The following DPYD variants were observed in gnomAD, a reference collection of about 807,000 sequenced individuals.
DPYD encodes the protein dihydropyrimidine dehydrogenase [NADP(+)].
In DPYD, 109 loss-of-function variants were observed where a neutral mutation model predicts 116.2. That is an observed-to-expected ratio of 0.94 (90% CI 0.80 to 1.10). DPYD has a LOEUF of 1.10. DPYD is among the 50% of genes least tolerant of loss of function. The pLI, the probability that DPYD is intolerant of heterozygous loss-of-function variation, is 0.00. For synonymous variants in DPYD, 440 were observed against 432.0 expected, an observed-to-expected ratio of 1.02 and a Z score of -0.23; for missense variants, 1,302 against 1,254.5, an observed-to-expected ratio of 1.04 and a Z score of -0.57.
intron 1 of DPYD, among the ~76,000 whole-genome samples, chr1:97,898,056 C>A (rs2101676935): frequency 6.6e-6 from 1 of 151,830 alleles, no homozygotes; most frequent in East Asian, 1.9e-4. Flanking sequence ...GGGAATCAAG[C>A]AGCATTTGCT....
At chr1:97,903,285 A>C (rs1382237371) in intron 1 of DPYD, among the ~76,000 whole-genome samples, 8 of 151,930 alleles carry the variant, frequency 5.3e-5, no homozygotes, top group Admixed American at 5.3e-4. Context: ...TTTGCTTTAA[A>C]ATTTGTTTTA....
At chr1:97,388,093 G>T (rs1440048302) in intron 14 of DPYD, among the ~76,000 whole-genome samples, 2 of 152,096 alleles carry the variant, frequency 1.3e-5, no homozygotes, top group African/African-American at 4.8e-5. Flanking sequence ...TAGTTCTGAG[G>T]TTCTAGTTGG....
chr1:97,156,176 AT>A (rs1039814811), intron 20 of DPYD, among the ~76,000 whole-genome samples: 37 of 152,164 alleles, frequency 2.4e-4, no homozygotes, highest in African/African-American at 7.2e-4. Context: ...AAATGAATAA[AT>A]TTTTTTTACC....
At chr1:97,090,258 T>C (rs1197465461) in intron 21 of DPYD, among the ~76,000 whole-genome samples, 1 of 152,166 alleles carries the variant, frequency 6.6e-6, no homozygotes, top group Non-Finnish European at 1.5e-5. Context: ...TTCTTTCTTA[T>C]TTCTATGTTT....
At chr1:97,171,462 C>G (rs534573152) in intron 20 of DPYD, among the ~76,000 whole-genome samples, 3 of 152,252 alleles carry the variant, frequency 2.0e-5, no homozygotes, top group East Asian at 3.9e-4. Context: ...CAATGATTCT[C>G]TCTGGACAGG....
intron 16 of DPYD, among the ~76,000 whole-genome samples, chr1:97,350,905 T>C (rs1436309649): frequency 6.6e-6 from 1 of 152,120 alleles, no homozygotes; most frequent in Non-Finnish European, 1.5e-5. Flanking sequence ...AGGCTGAGTC[T>C]TTTAGTAATG....
intron 12 of DPYD, among the ~76,000 whole-genome samples, chr1:97,537,957 C>G (rs1266876696): frequency 6.6e-6 from 1 of 151,944 alleles, no homozygotes; most frequent in South Asian, 2.1e-4. Context: ...ATCCCAGCTA[C>G]TTGGGAGGCT....
chr1:97,473,098 C>A (rs985416742), intron 13 of DPYD, among the ~76,000 whole-genome samples: 2 of 152,080 alleles, frequency 1.3e-5, no homozygotes, highest in Admixed American at 6.6e-5. Context: ...AAGTGTGTAC[C>A]CTTTAATCAA....
At chr1:97,514,049 C>A (rs548188018) in intron 13 of DPYD, among the ~76,000 whole-genome samples, 11 of 151,996 alleles carry the variant, frequency 7.2e-5, no homozygotes, top group Middle Eastern at 6.8e-3. Flanking sequence ...AAAAACCCCG[C>A]ATGGTTACAT....
chr1:97,229,587 T>C (rs1798724), intron 19 of DPYD, among the ~76,000 whole-genome samples: 2 of 64,670 alleles, frequency 3.1e-5, no homozygotes, highest in Admixed American at 3.4e-4. Context: ...TATATATATA[T>C]ATACTGATTT....
In DPYD at chr1:97,675,987, T is replaced by C. The variant is rs144576258; in HGVS notation, c.850+3108A>G. Among the ~76,000 whole-genome samples, 1,375 of 152,126 alleles carry C rather than the reference T, an allele frequency of 9.0e-3. 18 individuals are homozygous for C. The highest frequency in any genetic ancestry group is 0.031 in the African/African-American group (1,297 of 41,490). On this transcript the variant is annotated intron_variant, in intron 8 of 22. Transcript: ENST00000370192. ...TGGTCTCGATCTCTTGACCTCATGA[T>C]CCACCCGCCTCGGCCTCCCAAAGTG...
At chr1:97,286,686 A>G (rs1665707542) in intron 18 of DPYD, among the ~76,000 whole-genome samples, 1 of 152,026 alleles carries the variant, frequency 6.6e-6, no homozygotes, top group Admixed American at 6.5e-5. Flanking sequence ...TCCATCACTG[A>G]TACCCTTTCT....
chr1:97,876,346 G>A (rs977463621), intron 2 of DPYD, among the ~76,000 whole-genome samples: 1 of 151,954 alleles, frequency 6.6e-6, no homozygotes, highest in African/African-American at 2.4e-5. Context: ...CAGGACAGTG[G>A]AAGCCCTTTG....
intron 2 of DPYD, among the ~76,000 whole-genome samples, chr1:97,830,242 T>G (rs994871973): frequency 6.6e-6 from 1 of 152,252 alleles, no homozygotes; most frequent in Non-Finnish European, 1.5e-5. Flanking sequence ...TTAACTTTAC[T>G]TGGGCCTCCA....
At chr1:97,868,883 T>A (rs1671525081) in intron 2 of DPYD, among the ~76,000 whole-genome samples, 1 of 151,834 alleles carries the variant, frequency 6.6e-6, no homozygotes. Context: ...GTTGTCTATA[T>A]CTCAAACATG....
At chr1:97,814,917 A>G (rs1668503095) in intron 3 of DPYD, among the ~76,000 whole-genome samples, 1 of 29,902 alleles carries the variant, frequency 3.3e-5, no homozygotes, top group African/African-American at 1.1e-4. Flanking sequence ...AAAAAAAAAA[A>G]AAAAGAAAGA....
At chr1:97,738,781 G>C (rs1286442642) in intron 4 of DPYD, among the ~76,000 whole-genome samples, 1 of 150,794 alleles carries the variant, frequency 6.6e-6, no homozygotes, top group African/African-American at 2.4e-5. Context: ...CTTTTAAATA[G>C]ATATCTAAGC....
intron 13 of DPYD, among the ~76,000 whole-genome samples, chr1:97,457,475 C>T (rs1676749571): frequency 6.6e-6 from 1 of 152,118 alleles, no homozygotes; most frequent in South Asian, 2.1e-4. Context: ...GTAAACTAGA[C>T]ACTAAAAGTG....
intron 15 of DPYD, among the ~76,000 whole-genome samples, chr1:97,376,887 G>GTGTGTGTGTGTGTGTGTATA: frequency 7.8e-6 from 1 of 128,410 alleles, no homozygotes; most frequent in African/African-American, 2.9e-5. Flanking sequence ...GTGTGTGTGT[G>GTGTGTGTGTGTGTGTGTATA]TATATATATA....
Sources: gnomAD v4.1 joint callset for allele counts (sites outside exome capture counted in the v4.1 genomes callset) on GRCh38, gnomAD v4.1.1 for gene constraint, MANE v1.5 for transcripts, NCBI Gene and HGNC (gene_info 2026-07-23, HGNC 2026-07-21) for gene names.